The following TOP2B variants were observed in gnomAD, a reference collection of about 807,000 sequenced individuals.
TOP2B encodes DNA topoisomerase 2-beta.
A neutral mutation model predicts 193.5 loss-of-function variants in TOP2B; 51 were observed. The observed-to-expected ratio is 0.26, with a 90% CI of 0.21 to 0.33. TOP2B has a LOEUF of 0.33. Ranked by LOEUF, TOP2B falls within the 10% of genes least tolerant of loss-of-function variation. The pLI is 1.00. For missense variants in TOP2B, 1,378 were observed against 1,909.3 expected, an observed-to-expected ratio of 0.72 and a Z score of 5.19; for synonymous variants, 634 against 635.7, an observed-to-expected ratio of 1.00 and a Z score of 0.04.
intron 18 of TOP2B, 185 bp from the exon 19 acceptor site, chr3:25,624,988 T>A: frequency 1.8e-6 from 1 of 558,424 alleles, no homozygotes; most frequent in Non-Finnish European, 3.2e-6. Context: ...TAGAAAGCCA[T>A]CTGCAGGTAT....
intron 33 of TOP2B, among the ~76,000 whole-genome samples, chr3:25,602,285 T>C (rs1230284553): frequency 1.3e-5 from 2 of 150,850 alleles, no homozygotes. Context: ...TAGTCGCAGC[T>C]ACTTGGGAGG....
chr3:25,623,002 T>C (rs1185627669), intron 21 of TOP2B, among the ~76,000 whole-genome samples: 1 of 152,194 alleles, frequency 6.6e-6, no homozygotes, highest in African/African-American at 2.4e-5. Context: ...GGTCTCGAAC[T>C]CCTGACCTCA....
chr3:25,654,950 C>A (rs777839917), intron 1 of TOP2B, among the ~76,000 whole-genome samples: 2 of 152,146 alleles, frequency 1.3e-5, no homozygotes, highest in African/African-American at 4.8e-5. Context: ...AACTCTGAAA[C>A]TCCTAGAAGG....
intron 9 of TOP2B, 52 bp downstream of exon 9, chr3:25,632,641 T>C (rs1358160186): frequency 5.0e-6 from 8 of 1,603,982 alleles, no homozygotes; most frequent in South Asian, 1.1e-5. Flanking sequence ...TAATTCAGTA[T>C]ATATATAATG....
intron 4 of TOP2B, 106 bp downstream of exon 4, chr3:25,642,214 GAA>G: frequency 1.8e-6 from 1 of 555,776 alleles, no homozygotes; most frequent in East Asian, 3.1e-5. Flanking sequence ...AAACAACAGG[GAA>G]ACTTTAAAAG....
chr3:25,638,390 T>C (rs967790229), intron 4 of TOP2B, 80 bp from the exon 5 acceptor site: 5 of 1,329,860 alleles, frequency 3.8e-6, no homozygotes, highest in Admixed American at 3.8e-5. Flanking sequence ...GATAAATTAA[T>C]TCATTAAAAA....
rs554617859 is a variant in TOP2B at position 25,645,213 on chromosome 3, C to G, written c.240+87G>C. 5.4e-4 allele frequency: 660 copies of G among 1,228,562 alleles called. 4 individuals carry two copies. Among genetic ancestry groups the G allele is most frequent in the Middle Eastern group, 1.1e-3 (4 of 3,496 alleles). 76.1% of individuals were successfully genotyped at this position (1,228,562 alleles called of 1,614,324 possible). A position where few individuals can be genotyped will look rare whatever the true frequency, so the allele number is the denominator to read the frequency against. The stretch of plus-strand genomic sequence containing the variant: ...CAGATGAAATTACAAATTTCCAAAG[C>G]AAGTAATTACAATAATTTTATCAAC... On this transcript the variant is annotated intron_variant, in intron 2 of 35. Coordinates refer to ENST00000264331, the MANE Select transcript of TOP2B (RefSeq NM_001330700.2).
At chr3:25,622,622 A>AT (rs1178122604) in intron 21 of TOP2B, among the ~76,000 whole-genome samples, 6 of 151,230 alleles carry the variant, frequency 4.0e-5, no homozygotes, top group African/African-American at 7.3e-5. Context: ...AACAACAAAC[A>AT]TAAAAAAAAA....
rs1464939397 is a variant in TOP2B at position 25,620,060 on chromosome 3, T to G, written c.2865A>C (p.Val955=). Residue 955 remains valine, a splice_region_variant and synonymous_variant, in exon 23 of 36, where the codon GTA becomes GTC. Transcript: ENST00000264331. ...TAGGTTCTAAAACCTGTTCTTTATA[T>G]ACCTATAAAGATTTAAAAATTAGTG... ...TELPVRTWTQ[V]YKEQVLEPML... is the part of the protein sequence containing the mutation. 1 of 1,467,564 alleles carries G rather than the reference T, an allele frequency of 6.8e-7. No homozygotes were observed. Among genetic ancestry groups the G allele is most frequent in the Non-Finnish European group, 9.2e-7 (1 of 1,087,114 alleles). 90.9% of individuals were successfully genotyped at this position (1,467,564 alleles called of 1,614,324 possible).
chr3:25,625,817 G>A (rs1486007722), intron 18 of TOP2B, among the ~76,000 whole-genome samples: 4 of 152,084 alleles, frequency 2.6e-5, no homozygotes, highest in African/African-American at 9.7e-5. Flanking sequence ...GATAAAATAT[G>A]GCAACTTCTT....
chr3:25,624,595 C>T, intron 19 of TOP2B, 87 bp downstream of exon 19: 1 of 1,560,696 alleles, frequency 6.4e-7, no homozygotes, highest in Non-Finnish European at 8.7e-7. Flanking sequence ...TTTCCAAAGA[C>T]TTTACTAAAG....
At chr3:25,627,786 C>G (rs1702844760) in intron 15 of TOP2B, among the ~76,000 whole-genome samples, 1 of 151,688 alleles carries the variant, frequency 6.6e-6, no homozygotes, top group Non-Finnish European at 1.5e-5. Context: ...CAAACAAACT[C>G]AGGCCAAGCA....
At chr3:25,641,033 C>T (rs1703247169) in intron 4 of TOP2B, among the ~76,000 whole-genome samples, 1 of 152,166 alleles carries the variant, frequency 6.6e-6, no homozygotes. Flanking sequence ...CTGCCTGACT[C>T]AGCCTCCCAA....
chr3:25,636,981 TAA>T (rs2125386525), intron 6 of TOP2B, among the ~76,000 whole-genome samples: 1 of 152,074 alleles, frequency 6.6e-6, no homozygotes, highest in South Asian at 2.1e-4. Flanking sequence ...CTAAGTTAAA[TAA>T]AGTCTGTTAA....
intron 25 of TOP2B, 182 bp downstream of exon 25, chr3:25,618,236 G>T: frequency 1.8e-6 from 1 of 570,850 alleles, no homozygotes. Context: ...CTTTGTGGTG[G>T]GTGTGTACTA....
Position 25,652,653 on chromosome 3 carries a change from T to C in TOP2B, c.70-7183A>G, listed in dbSNP as rs577962575. ...TGAAAACCAAAACACAATAGAGCAATATTTATGTAATGCAGCTAAAACAGT... is the reference window on the plus strand; with the variant it reads ...TGAAAACCAAAACACAATAGAGCAACATTTATGTAATGCAGCTAAAACAGT... On this transcript the variant is annotated intron_variant, in intron 1 of 35. Coordinates refer to ENST00000264331, the MANE Select transcript of TOP2B (RefSeq NM_001330700.2). 2.6e-5 allele frequency among the ~76,000 whole-genome samples: 4 copies of C among 152,166 alleles called. No homozygotes were observed. The East Asian group carries it at 7.7e-4, about 29-fold the overall frequency.
Position 25,615,418 on chromosome 3 carries a change from C to T in TOP2B, c.3507+13G>A. The T allele has an allele frequency of 6.5e-7, 1 of 1,538,154 alleles. No homozygotes were observed. Among genetic ancestry groups the T allele is most frequent in the Non-Finnish European group, 8.7e-7 (1 of 1,145,662 alleles). The stretch of plus-strand genomic sequence containing the variant: ...AAATAGTTTCAAACTATTTAACCCA[C>T]AAAAGTTCATACTTTTGCATCTCTC... On this transcript the variant is annotated intron_variant, in intron 26 of 35. Transcript: ENST00000264331.
Position 25,609,571 on chromosome 3 carries a change from G to A in TOP2B, c.3928C>T (p.Pro1310Ser), listed in dbSNP as rs746245807. ...GPKPKREKKEPGTRVRKTPTS... is the reference protein window; with the variant it reads ...GPKPKREKKESGTRVRKTPTS... ...CAAAACTATAATCATTTCTCACCAGGCTCCTTCTTCTCCCTCTTAGGTTTG... is the reference window on the plus strand; with the variant it reads ...CAAAACTATAATCATTTCTCACCAGACTCCTTCTTCTCCCTCTTAGGTTTG... The change falls in exon 29 of 36, where the codon CCT becomes TCT. Residue 1310 changes from proline to serine, a missense_variant. Pro to Ser is a moderately conservative substitution (Grantham distance 74). Around this residue, in one of 9 missense-constraint regions of TOP2B, gnomAD observed 556 missense variants for 584.2 expected, o/e 0.95. Coordinates refer to ENST00000264331, the MANE Select transcript of TOP2B (RefSeq NM_001330700.2). The A allele has an allele frequency of 2.5e-6, 4 of 1,606,184 alleles. No individual in the cohort carries two copies. Among genetic ancestry groups the A allele is most frequent in the East Asian group, 4.5e-5 (2 of 44,772 alleles).
intron 10 of TOP2B, 126 bp from the exon 11 acceptor site, chr3:25,631,065 T>C (rs1017080739): frequency 4.3e-6 from 3 of 705,870 alleles, no homozygotes; most frequent in Non-Finnish European, 4.3e-6. Flanking sequence ...AAAACAATAA[T>C]GGTGATAAGC....
Sources: allele counts gnomAD v4.1 joint callset (sites outside exome capture counted in the v4.1 genomes callset), GRCh38; gene constraint gnomAD v4.1.1; regional missense constraint gnomAD v4.1.1; transcripts MANE v1.5; gene names NCBI Gene and HGNC (gene_info 2026-07-23, HGNC 2026-07-21).